PPP4R4: variants seen among roughly 807,000 people sequenced by gnomAD.
The protein encoded by PPP4R4 is serine/threonine-protein phosphatase 4 regulatory subunit 4.
PPP4R4 carries 70 observed loss-of-function variants against 121.8 expected under a neutral mutation model. The observed-to-expected ratio is 0.57, with a 90% CI of 0.47 to 0.70. PPP4R4 has a LOEUF of 0.70. PPP4R4 is among the 30% of genes least tolerant of loss of function. The pLI is 0.00. For synonymous variants in PPP4R4, 348 were observed against 355.7 expected, an observed-to-expected ratio of 0.98 and a Z score of 0.24; for missense variants, 875 against 1,033.6, an observed-to-expected ratio of 0.85 and a Z score of 2.10.
intron 15 of PPP4R4, among the ~76,000 whole-genome samples, chr14:94,251,391 A>G (rs1893170544): frequency 1.3e-5 from 2 of 152,074 alleles, no homozygotes; most frequent in Admixed American, 1.3e-4. Context: ...ATCTTTTAAG[A>G]GGAAGAAGTA....
At chr14:94,189,932 G>A (rs1595454536) in intron 2 of PPP4R4, among the ~76,000 whole-genome samples, 1 of 152,324 alleles carries the variant, frequency 6.6e-6, no homozygotes, top group Middle Eastern at 3.4e-3. Context: ...AGCAGTTCCT[G>A]AATGATTGAA....
At position 94,278,589 on chromosome 14, in the gene PPP4R4, C is replaced by G. The variant is rs762666028; in HGVS notation, c.2598-30C>G. 23 of 1,516,930 alleles carry G rather than the reference C, an allele frequency of 1.5e-5. No individual in the cohort carries two copies. In the Admixed American group the frequency reaches 4.0e-4, roughly 27 times the overall value. 94.0% of individuals were successfully genotyped at this position (1,516,930 alleles called of 1,614,324 possible). On this transcript the variant is annotated intron_variant, in intron 24 of 24. Transcript: ENST00000304338. ...CTCACTCCCTCCTTCCCCACCCTCC[C>G]TCTCTTCCTTCATTTCTTTCTTCCC...
At chr14:94,272,435 C>T (rs780009033) in intron 23 of PPP4R4, among the ~76,000 whole-genome samples, 1 of 152,146 alleles carries the variant, frequency 6.6e-6, no homozygotes, top group Non-Finnish European at 1.5e-5. Context: ...ACAAATGCAG[C>T]TGGAACAATA....
At chr14:94,258,328 A>G (rs1190578031) in intron 17 of PPP4R4, among the ~76,000 whole-genome samples, 1 of 152,182 alleles carries the variant, frequency 6.6e-6, no homozygotes, top group East Asian at 1.9e-4. Flanking sequence ...CAAATAGTAA[A>G]TTGAGAGAAT....
chr14:94,207,885 G>A (rs1272333447), intron 2 of PPP4R4, among the ~76,000 whole-genome samples: 1 of 151,796 alleles, frequency 6.6e-6, no homozygotes, highest in African/African-American at 2.4e-5. Flanking sequence ...ACTCCTTAAT[G>A]AATGTTAATT....
At chr14:94,176,033 T>C in intron 1 of PPP4R4, 21 bp from the exon 2 acceptor site, 2 of 1,590,066 alleles carry the variant, frequency 1.3e-6, no homozygotes, top group Non-Finnish European at 1.7e-6. Context: ...GGTGCATAAA[T>C]GTGTATTTTA....
At chr14:94,192,852 T>G (rs929263241) in intron 2 of PPP4R4, among the ~76,000 whole-genome samples, 2 of 152,164 alleles carry the variant, frequency 1.3e-5, no homozygotes, top group Non-Finnish European at 2.9e-5. Flanking sequence ...TAGTCAAAAT[T>G]TTTAGTGTGT....
intron 2 of PPP4R4, among the ~76,000 whole-genome samples, chr14:94,191,168 T>C (rs1002425204): frequency 2.0e-5 from 3 of 152,148 alleles, no homozygotes; most frequent in Non-Finnish European, 2.9e-5. Flanking sequence ...TCCAGAACAA[T>C]TGGGAGTCAT....
intron 1 of PPP4R4, among the ~76,000 whole-genome samples, chr14:94,174,985 C>G (rs1353548260): frequency 8.0e-6 from 1 of 125,014 alleles, no homozygotes; most frequent in Non-Finnish European, 1.7e-5. Flanking sequence ...CCCCCCCCCC[C>G]AAAGGAGCTG....
chr14:94,197,533 A>G (rs1356395900), intron 2 of PPP4R4, among the ~76,000 whole-genome samples: 1 of 152,100 alleles, frequency 6.6e-6, no homozygotes, highest in African/African-American at 2.4e-5. Flanking sequence ...GTCTTTTTGT[A>G]TTTATATACT....
At chr14:94,248,773 T>A (rs1175971786) in intron 14 of PPP4R4, among the ~76,000 whole-genome samples, 1 of 152,172 alleles carries the variant, frequency 6.6e-6, no homozygotes, top group Admixed American at 6.5e-5. Context: ...CATTCCTTTG[T>A]CCACATTGGT....
intron 2 of PPP4R4, among the ~76,000 whole-genome samples, chr14:94,179,642 C>G (rs959374001): frequency 1.3e-5 from 2 of 152,196 alleles, no homozygotes; most frequent in Non-Finnish European, 2.9e-5. Context: ...TAGGATCCAG[C>G]TGTAATCTTA....
intron 3 of PPP4R4, among the ~76,000 whole-genome samples, chr14:94,224,127 G>A (rs1490945736): frequency 1.3e-5 from 2 of 152,138 alleles, no homozygotes; most frequent in Non-Finnish European, 2.9e-5. Context: ...CATTGAGAAG[G>A]AAAGAGAAGC....
rs768959325 is a variant in PPP4R4 at position 94,256,629 on chromosome 14, T to C, written c.2010+25T>C. On this transcript the variant is annotated intron_variant, in intron 17 of 24. Coordinates refer to ENST00000304338, the MANE Select transcript of PPP4R4 (RefSeq NM_058237.2). ...AGTAAGTATCACTCTTGCCACAATG[T>C]TGCATTTTTTGCATTAAGGCAGTAA... 4 of 1,546,928 alleles carry C rather than the reference T, an allele frequency of 2.6e-6. No homozygotes were observed. The African/African-American group carries it at 5.5e-5, about 21-fold the overall frequency.
intron 12 of PPP4R4, 93 bp downstream of exon 12, chr14:94,244,805 A>G (rs558919301): frequency 8.8e-6 from 11 of 1,257,134 alleles, no homozygotes; most frequent in South Asian, 8.5e-5. Context: ...AATCGTGTCA[A>G]CTCTTTCAGC....
At chr14:94,175,935 T>C (rs1888656713) in intron 1 of PPP4R4, 119 bp from the exon 2 acceptor site, 2 of 788,760 alleles carry the variant, frequency 2.5e-6, no homozygotes, top group Admixed American at 2.1e-5. Flanking sequence ...GTTTTCATTG[T>C]TAATGCTTAA....
chr14:94,275,543 G>T, intron 24 of PPP4R4, 22 bp downstream of exon 24: 1 of 1,612,718 alleles, frequency 6.2e-7, no homozygotes, highest in Non-Finnish European at 8.5e-7. Flanking sequence ...AGTGATGTCA[G>T]ACTGAGTGTA....
intron 3 of PPP4R4, among the ~76,000 whole-genome samples, chr14:94,210,809 G>A (rs1044597526): frequency 3.9e-5 from 6 of 152,082 alleles, no homozygotes; most frequent in Non-Finnish European, 8.8e-5. Flanking sequence ...GACTTTTATC[G>A]ATAGTCTAAT....
intron 2 of PPP4R4, among the ~76,000 whole-genome samples, chr14:94,193,147 T>C (rs1032433683): frequency 6.6e-6 from 1 of 152,216 alleles, no homozygotes; most frequent in Non-Finnish European, 1.5e-5. Flanking sequence ...TCATTGATCA[T>C]TGAGGACAAA....
Sources: allele counts gnomAD v4.1 joint callset (sites outside exome capture counted in the v4.1 genomes callset), GRCh38; gene constraint gnomAD v4.1.1; transcripts MANE v1.5; gene names NCBI Gene and HGNC (gene_info 2026-07-23, HGNC 2026-07-21).